The following FAR2 variants were observed in gnomAD, a reference collection of about 807,000 sequenced individuals.
The protein encoded by FAR2 is epididymis secretory protein Li 81.
Under a neutral mutation model 56.0 loss-of-function variants are expected in FAR2, and 19 were observed. The ratio of observed to expected loss-of-function variants is 0.34; its 90% CI spans 0.24 to 0.50. FAR2 has a LOEUF of 0.50. FAR2 is among the 20% of genes least tolerant of loss of function. The pLI is 0.98. For synonymous variants in FAR2, 219 were observed against 218.8 expected (o/e 1.00, Z -0.01); for missense variants, 508 against 642.2 (o/e 0.79, Z 2.26).
chr12:29,194,327 A>T lies in FAR2; in HGVS notation c.-39+44920A>T, dbSNP rs541431093. On this transcript the variant is annotated intron_variant, in intron 1 of 11. Transcript: ENST00000536681. ...GCATTGACTAGATTCAATGGAATGG[A>T]TTCCCAGTATGTGAACTCGTGAAAA... Among the ~76,000 whole-genome samples the T allele has an allele frequency of 2.0e-4, 30 of 152,272 alleles. No homozygotes were observed. The South Asian group carries it at 5.2e-3, about 26-fold the overall frequency.
chr12:29,243,975 G>A (rs1948083582), intron 1 of FAR2, among the ~76,000 whole-genome samples: 1 of 151,510 alleles, frequency 6.6e-6, no homozygotes, highest in Admixed American at 6.6e-5. Context: ...CACAATCCCT[G>A]GAACATAGTG....
chr12:29,219,064 T>C (rs1219942322), intron 1 of FAR2, among the ~76,000 whole-genome samples: 1 of 151,992 alleles, frequency 6.6e-6, no homozygotes, highest in Non-Finnish European at 1.5e-5. Flanking sequence ...AATTTTTGCA[T>C]TTTTGGTACA....
At chr12:29,292,591 T>G (rs1948989216) in intron 2 of FAR2, among the ~76,000 whole-genome samples, 1 of 152,148 alleles carries the variant, frequency 6.6e-6, no homozygotes. Context: ...CCCCAGGGTG[T>G]TTTTATTGGG....
At chr12:29,263,532 AATATG>A (rs1484692394) in intron 1 of FAR2, among the ~76,000 whole-genome samples, 1 of 152,016 alleles carries the variant, frequency 6.6e-6, no homozygotes, top group Non-Finnish European at 1.5e-5. Flanking sequence ...GAAATTAAAC[AATATG>A]CTCCTGAATG....
intron 1 of FAR2, among the ~76,000 whole-genome samples, chr12:29,167,654 A>C (rs1444138993): frequency 6.6e-6 from 1 of 152,168 alleles, no homozygotes; most frequent in African/African-American, 2.4e-5. Flanking sequence ...TGTCACCCAG[A>C]GGTACTTTAC....
chr12:29,280,126 T>C lies in FAR2; in HGVS notation c.189+9488T>C, dbSNP rs544109100. ...TTCTGATAGAGATGGGGTTTCACCA[T>C]GTTGGCCAGGCTTGTCTCAAACTCC... On this transcript the variant is annotated intron_variant, in intron 2 of 11. Transcript: ENST00000536681. Among the ~76,000 whole-genome samples the C allele has an allele frequency of 8.7e-4, 132 of 152,234 alleles. 3 individuals carry two copies. Among genetic ancestry groups the C allele is most frequent in the Admixed American group, 8.5e-3 (130 of 15,294 alleles).
rs762585476 is a variant in FAR2, at chr12:29,297,144, C to T, written c.489C>T (p.Ile163=). 1.2e-6 allele frequency: 2 copies of T among 1,613,802 alleles called. No individual in the cohort carries two copies. Among genetic ancestry groups the T allele is most frequent in the African/African-American group, 2.7e-5 (2 of 74,896 alleles). Residue 163 remains isoleucine, a synonymous_variant, in exon 4 of 12, where the codon ATC becomes ATT. Coordinates refer to ENST00000536681, the MANE Select transcript of FAR2 (RefSeq NM_001271783.2). ...TAYSNCNLKH[I]DEVIYPCPVE... ...ATTCAAATTGTAACCTGAAGCACAT[C>T]GATGAAGTTATCTATCCGTGCCCTG...
In FAR2 at chr12:29,157,185, T is replaced by C. The variant is rs1023475451; in HGVS notation, c.-39+7778T>C. On this transcript the variant is annotated intron_variant, in intron 1 of 11. Coordinates refer to ENST00000536681, the MANE Select transcript of FAR2 (RefSeq NM_001271783.2). ...AAACAATGCAATTAAACAATGAAAA[T>C]TGATTAAACAATGTGGTTAAACAAT... 5.0e-5 allele frequency among the ~76,000 whole-genome samples: 7 copies of C among 139,176 alleles called. No homozygotes were observed. The South Asian group carries it at 6.8e-4, about 14-fold the overall frequency. The allele number at this position is 139,176 out of a possible 152,430, so 91.3% of individuals were successfully genotyped here.
rs142179180 is a variant in FAR2 at position 29,289,477 on chromosome 12, C to T, written c.190-3823C>T. Among the ~76,000 whole-genome samples the T allele has an allele frequency of 5.8e-3, 886 of 152,218 alleles. 10 individuals carry two copies. Among genetic ancestry groups the T allele is most frequent in the African/African-American group, 0.02 (833 of 41,542 alleles). ...TCTTCAATAAATGGTGTTGGGAAAA[C>T]GATATCCAGATACAGCAGAATGAAA... On this transcript the variant is annotated intron_variant, in intron 2 of 11. Transcript: ENST00000536681.
intron 1 of FAR2, among the ~76,000 whole-genome samples, chr12:29,248,851 A>G (rs1591889317): frequency 6.6e-6 from 1 of 152,312 alleles, no homozygotes; most frequent in South Asian, 2.1e-4. Context: ...AGAATTCAGC[A>G]ATATTTCTCC....
In FAR2 at chr12:29,335,001, A is replaced by C. The variant is rs1469703488; in HGVS notation, c.*1207A>C. 2 of 152,216 alleles carry C rather than the reference A, an allele frequency of 1.3e-5. No homozygotes were observed. The highest frequency in any genetic ancestry group is 3.8e-4 in the East Asian group (2 of 5,200). The allele number at this position is 152,216 out of a possible 1,614,324, so 9.4% of individuals were successfully genotyped here. ...CAACTTTCCTCATATTTGAGAGATG[A>C]GTACATGTTGGATTGCAGCATTTCT... On this transcript the variant is annotated 3_prime_UTR_variant, in exon 12 of 12. Transcript: ENST00000536681.
intron 2 of FAR2, among the ~76,000 whole-genome samples, chr12:29,284,939 T>G (rs111783082): frequency 0.031 from 4,780 of 152,170 alleles, 104 homozygotes; most frequent in East Asian, 0.071. Flanking sequence ...CCTCCCGGGT[T>G]CACGCCATTC....
At chr12:29,247,935 TAACATCAGGAAG>T (rs1456838545) in intron 1 of FAR2, among the ~76,000 whole-genome samples, 1 of 152,248 alleles carries the variant, frequency 6.6e-6, no homozygotes, top group African/African-American at 2.4e-5. Context: ...TTTCAACTTT[TAACATCAGGAAG>T]TAAGAACCCA....
intron 1 of FAR2, among the ~76,000 whole-genome samples, chr12:29,216,910 T>C (rs1163556988): frequency 6.6e-6 from 1 of 152,188 alleles, no homozygotes; most frequent in African/African-American, 2.4e-5. Flanking sequence ...TGCTCAGATA[T>C]TCACAGTACT....
intron 1 of FAR2, among the ~76,000 whole-genome samples, chr12:29,169,214 T>C (rs1949862447): frequency 6.6e-6 from 1 of 152,166 alleles, no homozygotes. Flanking sequence ...AATTGGGCAA[T>C]GACCACTGTA....
chr12:29,296,271 G>A (rs1407385331), intron 3 of FAR2, among the ~76,000 whole-genome samples: 1 of 152,154 alleles, frequency 6.6e-6, no homozygotes, highest in Non-Finnish European at 1.5e-5. Flanking sequence ...ATGTTAAGTA[G>A]TAGTGTGATT....
chr12:29,275,208 G>T (rs1802158445), intron 2 of FAR2, among the ~76,000 whole-genome samples: 1 of 151,894 alleles, frequency 6.6e-6, no homozygotes, highest in Admixed American at 6.6e-5. Flanking sequence ...TAGGATTTGG[G>T]TAGGTAAAGG....
At chr12:29,299,728 C>T (rs902430165) in intron 4 of FAR2, among the ~76,000 whole-genome samples, 10 of 152,212 alleles carry the variant, frequency 6.6e-5, no homozygotes, top group African/African-American at 2.4e-4. Context: ...CAGTCCTCCC[C>T]TTACTTTCAT....
chr12:29,259,474 C>T (rs1307326644), intron 1 of FAR2, among the ~76,000 whole-genome samples: 3 of 152,116 alleles, frequency 2.0e-5, no homozygotes, highest in East Asian at 1.9e-4. Context: ...CTTTCTTATG[C>T]GTTTGAATCT....
Sources: gnomAD v4.1 joint callset for allele counts (sites outside exome capture counted in the v4.1 genomes callset) on GRCh38, gnomAD v4.1.1 for gene constraint, MANE v1.5 for transcripts, NCBI Gene and HGNC (gene_info 2026-07-23, HGNC 2026-07-21) for gene names.